DIAPH2: variants seen among roughly 807,000 people sequenced by gnomAD.
The protein encoded by DIAPH2 is protein diaphanous homolog 2.
A neutral mutation model predicts 92.7 loss-of-function variants in DIAPH2; 35 were observed. The observed-to-expected ratio is 0.38, with a 90% CI of 0.29 to 0.50. The LOEUF (loss-of-function observed/expected upper bound fraction) is 0.50. Among genes scored for constraint, DIAPH2 ranks in the 20% least tolerant of loss-of-function variants. The pLI is 0.94. For missense variants in DIAPH2, 701 were observed against 819.5 expected (o/e 0.86, Z 1.77); for synonymous variants, 301 against 280.4 (o/e 1.07, Z -0.73).
chrX:97,283,793 T>G (rs2068518113), intron 23 of DIAPH2, among the ~76,000 whole-genome samples: 1 of 111,602 alleles, frequency 9.0e-6, no homozygotes, highest in African/African-American at 3.3e-5. Flanking sequence ...AAATACAAAA[T>G]TAGCCAGATG....
intron 26 of DIAPH2, among the ~76,000 whole-genome samples, chrX:97,521,672 T>C (rs907121763): frequency 9.0e-6 from 1 of 111,394 alleles, no homozygotes; most frequent in Admixed American, 9.5e-5. Context: ...CCCTTGGCTC[T>C]GTTCTCATTC....
intron 25 of DIAPH2, among the ~76,000 whole-genome samples, chrX:97,427,114 G>T (rs184738887): frequency 0.017 from 1,822 of 108,642 alleles, 46 homozygotes; most frequent in African/African-American, 0.059. Context: ...GGAGGCGGAG[G>T]TTGTAGTGAG....
chrX:97,550,527 T>A (rs2071212445), intron 26 of DIAPH2, among the ~76,000 whole-genome samples: 1 of 111,465 alleles, frequency 9.0e-6, no homozygotes, highest in Admixed American at 9.6e-5. Context: ...TTTCTTACAT[T>A]CTGCCTCATG....
At chrX:97,407,917 A>G (rs193126924) in intron 25 of DIAPH2, among the ~76,000 whole-genome samples, 379 of 112,116 alleles carry the variant, frequency 3.4e-3, no homozygotes, top group African/African-American at 0.012. Flanking sequence ...CTAAGGAATG[A>G]CAGTCTTTTA....
chrX:96,715,548 T>C (rs769544183), intron 1 of DIAPH2, among the ~76,000 whole-genome samples: 1 of 112,021 alleles, frequency 8.9e-6, no homozygotes, highest in East Asian at 2.8e-4. Flanking sequence ...CGTGGCAGTA[T>C]TGATTACACA....
intron 3 of DIAPH2, among the ~76,000 whole-genome samples, chrX:96,744,511 C>T (rs1193947399): frequency 4.5e-5 from 5 of 112,052 alleles, no homozygotes; most frequent in South Asian, 3.7e-4. Context: ...TTTCCTTGCA[C>T]ACATAGTGAG....
At chrX:97,053,328 G>A (rs1411984744) in intron 17 of DIAPH2, among the ~76,000 whole-genome samples, 1 of 111,331 alleles carries the variant, frequency 9.0e-6, no homozygotes, top group Non-Finnish European at 1.9e-5. Context: ...CAGGTTATCT[G>A]TACGTTTTAA....
chrX:96,867,822 C>A (rs2065115108), intron 4 of DIAPH2, among the ~76,000 whole-genome samples: 1 of 110,553 alleles, frequency 9.0e-6, no homozygotes, highest in African/African-American at 3.3e-5. Flanking sequence ...GAGGAGTATC[C>A]CACTAAGATA....
chrX:97,034,505 T>TA (rs201307093), intron 17 of DIAPH2, among the ~76,000 whole-genome samples: 86 of 98,830 alleles, frequency 8.7e-4, no homozygotes, highest in East Asian at 1.5e-3. Flanking sequence ...GAACTCATTC[T>TA]AAAAAAAAAA....
At chrX:97,556,194 G>A (rs1249289650) in intron 26 of DIAPH2, among the ~76,000 whole-genome samples, 1 of 111,646 alleles carries the variant, frequency 9.0e-6, no homozygotes, top group Non-Finnish European at 1.9e-5. Flanking sequence ...CATGCAGGGA[G>A]GTTATCAAGG....
At chrX:96,886,197 G>T (rs1051191897) in intron 5 of DIAPH2, among the ~76,000 whole-genome samples, 2 of 109,730 alleles carry the variant, frequency 1.8e-5, no homozygotes, top group African/African-American at 6.6e-5. Flanking sequence ...TTAAATAATT[G>T]ACCATTAACG....
At chrX:97,399,827 T>TCA (rs2147747982) in intron 25 of DIAPH2, among the ~76,000 whole-genome samples, 1 of 112,774 alleles carries the variant, frequency 8.9e-6, no homozygotes, top group East Asian at 2.8e-4. Flanking sequence ...CAAAATCTTT[T>TCA]GGAAATGTAA....
rs182016849 is a variant in DIAPH2 at position 96,953,013 on chromosome X, G to T, written c.1614+3974G>T. On this transcript the variant is annotated intron_variant, in intron 15 of 26. Transcript: ENST00000324765. The stretch of plus-strand genomic sequence containing the variant: ...GCATGCCTGTAGTCCCAGTTAGTCA[G>T]GAGACTGAGATGGGAGGATCACTTG... 1.0e-3 allele frequency among the ~76,000 whole-genome samples: 109 copies of T among 109,400 alleles called. 1 individual carries two copies. The highest frequency in any genetic ancestry group is 3.3e-3 in the African/African-American group (99 of 30,038).
At chrX:97,429,551 A>G in intron 25 of DIAPH2, 99 bp from the exon 26 acceptor site, 1 of 1,046,666 alleles carries the variant, frequency 9.6e-7, no homozygotes, top group Non-Finnish European at 1.3e-6. Context: ...TCTTTAATTT[A>G]GGGGTATTAT....
Position 97,601,070 on chromosome X carries a change from A to T in DIAPH2, c.*1753A>T, listed in dbSNP as rs1371896660. On this transcript the variant is annotated 3_prime_UTR_variant, in exon 27 of 27. Coordinates refer to ENST00000324765, the MANE Select transcript of DIAPH2 (RefSeq NM_006729.5). Reference sequence around the variant, plus strand: ...ACACATGCACACACACATTTAAGGGACATAGCAGTAACACTGTTTTTTAAC... The same window carrying T: ...ACACATGCACACACACATTTAAGGGTCATAGCAGTAACACTGTTTTTTAAC... 3.6e-5 allele frequency: 4 copies of T among 112,591 alleles called. No homozygotes were observed. The highest frequency in any genetic ancestry group is 9.7e-5 in the African/African-American group (3 of 31,061). 9.3% of individuals were successfully genotyped at this position (112,591 alleles called of 1,213,427 possible). A position where few individuals can be genotyped will look rare whatever the true frequency, so the allele number is the denominator to read the frequency against.
At chrX:97,427,791 A>T (rs2070085695) in intron 25 of DIAPH2, among the ~76,000 whole-genome samples, 1 of 110,299 alleles carries the variant, frequency 9.1e-6, no homozygotes, top group African/African-American at 3.3e-5. Context: ...AGTTCAAGTG[A>T]TTCTCCTGCC....
At chrX:97,211,542 T>A (rs991748551) in intron 22 of DIAPH2, among the ~76,000 whole-genome samples, 13 of 111,419 alleles carry the variant, frequency 1.2e-4, no homozygotes, top group African/African-American at 3.6e-4. Context: ...CCCTAGGTCA[T>A]GCTGGGCATT....
chrX:97,515,094 C>T (rs2070932360), intron 26 of DIAPH2, among the ~76,000 whole-genome samples: 1 of 111,941 alleles, frequency 8.9e-6, no homozygotes, highest in South Asian at 3.8e-4. Flanking sequence ...CAATGGTGGG[C>T]GCCCCTCCCC....
chrX:97,388,621 G>A (rs759792978), intron 25 of DIAPH2, among the ~76,000 whole-genome samples: 9 of 111,190 alleles, frequency 8.1e-5, no homozygotes, highest in African/African-American at 2.9e-4. Flanking sequence ...GGATCACCAC[G>A]GTAAAGTATA....
Sources: allele counts gnomAD v4.1 joint callset (sites outside exome capture counted in the v4.1 genomes callset), GRCh38; gene constraint gnomAD v4.1.1; transcripts MANE v1.5; gene names NCBI Gene and HGNC (gene_info 2026-07-23, HGNC 2026-07-21).